LPCAT1: variants seen among roughly 807,000 people sequenced by gnomAD.
The protein encoded by LPCAT1 is 1-acylglycerol-3-phosphate O-acyltransferase.
A neutral mutation model predicts 60.9 loss-of-function variants in LPCAT1; 23 were observed. That is an observed-to-expected ratio of 0.38 (90% CI 0.27 to 0.53). The LOEUF is 0.53. LPCAT1 is among the 20% of genes least tolerant of loss of function. The probability of loss-of-function intolerance (pLI) is 0.82; values close to 1 mark genes in which losing one functional copy is unlikely to be tolerated. For missense variants in LPCAT1, 622 were observed against 723.6 expected (o/e 0.86, Z 1.61); for synonymous variants, 340 against 301.1 (o/e 1.13, Z -1.34).
chr5:1,477,152 A>G lies in LPCAT1; in HGVS notation c.899+252T>C, dbSNP rs886916412. ...AGGAAACATAGGACCTGGGGTGACC[A>G]ACGGCTGCAGGCAGGTCTGGAAGAA... On this transcript the variant is annotated intron_variant, in intron 9 of 13. Transcript: ENST00000283415. This position sits in a 1 kb window ranked among gnomAD's most constrained non-coding sequence, Gnocchi z 6.0. Among the ~76,000 whole-genome samples, 2 of 152,224 alleles carry G rather than the reference A, an allele frequency of 1.3e-5. No individual in the cohort carries two copies. Among genetic ancestry groups the G allele is most frequent in the Non-Finnish European group, 2.9e-5 (2 of 68,040 alleles).
chr5:1,516,212 G>A (rs1467638908), intron 1 of LPCAT1, among the ~76,000 whole-genome samples: 3 of 152,224 alleles, frequency 2.0e-5, no homozygotes, highest in Non-Finnish European at 4.4e-5. Context: ...CAGGCGCCAC[G>A]TGGTCCTGGG....
At chr5:1,492,664 C>T (rs187941505) in intron 3 of LPCAT1, among the ~76,000 whole-genome samples, 45 of 152,338 alleles carry the variant, frequency 3.0e-4, no homozygotes, top group African/African-American at 7.7e-4. Context: ...CCTGCTGCGC[C>T]GAGATGAAGG....
At chr5:1,467,732 G>A (rs1020803543) in intron 12 of LPCAT1, among the ~76,000 whole-genome samples, 2 of 151,196 alleles carry the variant, frequency 1.3e-5, no homozygotes, top group African/African-American at 4.9e-5. Flanking sequence ...CTGGCCCACG[G>A]GCTCTGTGGC....
Position 1,477,702 on chromosome 5 carries a change from G to A in LPCAT1, c.817-216C>T, listed in dbSNP as rs950252464. ...TGCACCTGAACACTCACCCTCATTGGTGCTCCCTGGGAGCACCTGCTGCCT... is the reference window on the plus strand; with the variant it reads ...TGCACCTGAACACTCACCCTCATTGATGCTCCCTGGGAGCACCTGCTGCCT... On this transcript the variant is annotated intron_variant, in intron 8 of 13. Coordinates refer to ENST00000283415, the MANE Select transcript of LPCAT1 (RefSeq NM_024830.5). This position sits in a 1 kb window ranked among gnomAD's most constrained non-coding sequence, Gnocchi z 6.0. Among the ~76,000 whole-genome samples the A allele has an allele frequency of 3.9e-5, 6 of 152,170 alleles. No homozygotes were observed. Among genetic ancestry groups the A allele is most frequent in the Non-Finnish European group, 4.4e-5 (3 of 68,022 alleles).
chr5:1,487,318 C>T lies in LPCAT1; in HGVS notation c.667+1073G>A, dbSNP rs1190062436. On this transcript the variant is annotated intron_variant, in intron 5 of 13. Coordinates refer to ENST00000283415, the MANE Select transcript of LPCAT1 (RefSeq NM_024830.5). This position sits in a 1 kb window ranked among gnomAD's most constrained non-coding sequence, Gnocchi z 6.1. Reference sequence around the variant, plus strand: ...CGTGGTCACCGCGTGCCGCCTCCACCCTCTGCATCTCTGGTTCTGATCAGA... The same window carrying T: ...CGTGGTCACCGCGTGCCGCCTCCACTCTCTGCATCTCTGGTTCTGATCAGA... Among the ~76,000 whole-genome samples the T allele has an allele frequency of 6.6e-6, 1 of 152,206 alleles. No individual in the cohort carries two copies. Among genetic ancestry groups the T allele is most frequent in the Non-Finnish European group, 1.5e-5 (1 of 68,036 alleles).
rs1000090341 is a variant in LPCAT1 at position 1,471,854 on chromosome 5, C to T, written c.1180-930G>A. Among the ~76,000 whole-genome samples the T allele has an allele frequency of 1.5e-4, 22 of 142,970 alleles. No individual in the cohort carries two copies. In the South Asian group the frequency reaches 4.5e-3, roughly 29 times the overall value. The allele number at this position is 142,970 out of a possible 152,430, so 93.8% of individuals were successfully genotyped here. The stretch of plus-strand genomic sequence containing the variant: ...CCAGAGAGCAGGAGGTGAGGAGCAC[C>T]CAGAGGCAAAGGAAGGACTCCCTGG... On this transcript the variant is annotated intron_variant, in intron 11 of 13. Transcript: ENST00000283415.
intron 1 of LPCAT1, among the ~76,000 whole-genome samples, chr5:1,519,233 G>A (rs1221831956): frequency 6.6e-6 from 1 of 152,244 alleles, no homozygotes; most frequent in Non-Finnish European, 1.5e-5. Flanking sequence ...ATGTGCGTGA[G>A]CTTCTGTGTG....
intron 5 of LPCAT1, among the ~76,000 whole-genome samples, chr5:1,484,889 T>G (rs1159180401): frequency 6.6e-6 from 1 of 152,128 alleles, no homozygotes; most frequent in East Asian, 1.9e-4. Context: ...GCTCATGCAG[T>G]TCACCCAGCA....
At position 1,521,237 on chromosome 5, in the gene LPCAT1, T is replaced by G. The variant is rs1736668261; in HGVS notation, c.135+2473A>C. Reference sequence around the variant, plus strand: ...GCTCCTCACTAAATCTGTAGTTAAATGACAGATGGGCTGGCTGGAGGAGGA... The same window carrying G: ...GCTCCTCACTAAATCTGTAGTTAAAGGACAGATGGGCTGGCTGGAGGAGGA... On this transcript the variant is annotated intron_variant, in intron 1 of 13. Transcript: ENST00000283415. The surrounding 1 kb of genome is among the most constrained non-coding windows in gnomAD (Gnocchi z 4.3). The G allele has an allele frequency of 1.5e-6, 1 of 676,314 alleles. No homozygotes were observed. Among genetic ancestry groups the G allele is most frequent in the African/African-American group, 2.0e-5 (1 of 50,856 alleles). 41.9% of individuals were successfully genotyped at this position (676,314 alleles called of 1,614,324 possible).
At chr5:1,508,632 G>A (rs995796983) in intron 1 of LPCAT1, among the ~76,000 whole-genome samples, 1 of 152,242 alleles carries the variant, frequency 6.6e-6, no homozygotes, top group African/African-American at 2.4e-5. Context: ...AGCCCCATCT[G>A]AGGCACTTTA....
intron 12 of LPCAT1, among the ~76,000 whole-genome samples, chr5:1,469,862 G>C (rs910095453): frequency 2.6e-5 from 4 of 152,178 alleles, no homozygotes; most frequent in Non-Finnish European, 5.9e-5. Flanking sequence ...GCCTGGCTCA[G>C]ATCAGGGGCC....
At chr5:1,473,805 C>T (rs1734786265) in intron 11 of LPCAT1, 152 bp downstream of exon 11, 7 of 878,506 alleles carry the variant, frequency 8.0e-6, no homozygotes, top group Non-Finnish European at 1.2e-5. Context: ...AAGGAAATAC[C>T]TCAAAATGAT....
At chr5:1,493,510 G>A (rs1735666163) in intron 3 of LPCAT1, among the ~76,000 whole-genome samples, 1 of 152,282 alleles carries the variant, frequency 6.6e-6, no homozygotes, top group Non-Finnish European at 1.5e-5. Context: ...GTGGCCAGGT[G>A]AGGGCCCCGG....
At chr5:1,512,473 G>C (rs1736386697) in intron 1 of LPCAT1, among the ~76,000 whole-genome samples, 1 of 152,218 alleles carries the variant, frequency 6.6e-6, no homozygotes, top group Non-Finnish European at 1.5e-5. Flanking sequence ...CAACATCTGG[G>C]GCAAGCACCC....
chr5:1,477,634 G>C lies in LPCAT1; in HGVS notation c.817-148C>G. On this transcript the variant is annotated intron_variant, in intron 8 of 13. Coordinates refer to ENST00000283415, the MANE Select transcript of LPCAT1 (RefSeq NM_024830.5). The surrounding 1 kb of genome is among the most constrained non-coding windows in gnomAD (Gnocchi z 6.0). ...TCAAAGTTGTCATGTGCACGTGTGTGTACGCACACACACACCCCCATGATG... is the reference window on the plus strand; with the variant it reads ...TCAAAGTTGTCATGTGCACGTGTGTCTACGCACACACACACCCCCATGATG... 1 of 610,442 alleles carries C rather than the reference G, an allele frequency of 1.6e-6. No individual in the cohort carries two copies. The allele number at this position is 610,442 out of a possible 1,614,324, so 37.8% of individuals were successfully genotyped here.
chr5:1,467,055 A>T (rs7714741), intron 12 of LPCAT1, 165 bp from the exon 13 acceptor site: 1 of 620,878 alleles, frequency 1.6e-6, no homozygotes, highest in Non-Finnish European at 2.4e-6. Context: ...GGAGCCATGC[A>T]GCAGGGCCCT....
At chr5:1,469,520 T>TG (rs1734582683) in intron 12 of LPCAT1, among the ~76,000 whole-genome samples, 1 of 152,186 alleles carries the variant, frequency 6.6e-6, no homozygotes, top group African/African-American at 2.4e-5. Context: ...CTCATGCCTG[T>TG]AATCCCAGCA....
intron 13 of LPCAT1, among the ~76,000 whole-genome samples, chr5:1,464,956 CTA>C (rs1256209748): frequency 6.8e-6 from 1 of 147,188 alleles, no homozygotes; most frequent in Admixed American, 6.7e-5. Context: ...CACATGGTAA[CTA>C]CACACATGCA....
intron 4 of LPCAT1, among the ~76,000 whole-genome samples, chr5:1,489,025 G>A (rs1579784418): frequency 1.3e-5 from 2 of 152,200 alleles, no homozygotes; most frequent in South Asian, 4.1e-4. Context: ...TCCCAGCCCC[G>A]CAGGCTGCTT....
Sources: allele counts gnomAD v4.1 joint callset (sites outside exome capture counted in the v4.1 genomes callset), GRCh38; gene constraint gnomAD v4.1.1; non-coding constraint Gnocchi (gnomAD v3.1); transcripts MANE v1.5; gene names NCBI Gene and HGNC (gene_info 2026-07-23, HGNC 2026-07-21).